Variants in IL12RB2 observed in about 807,000 individuals in gnomAD.
The protein encoded by IL12RB2 is interleukin-12 receptor subunit beta-2.
In IL12RB2, 82 loss-of-function variants were observed where a neutral mutation model predicts 89.4. That is an observed-to-expected ratio of 0.92 (90% CI 0.77 to 1.10). IL12RB2 has a LOEUF of 1.10. IL12RB2 is among the 50% of genes least tolerant of loss of function. The pLI is 0.00. For missense variants in IL12RB2, 963 were observed against 1,031.9 expected, an observed-to-expected ratio of 0.93 and a Z score of 0.92; for synonymous variants, 368 against 370.1, an observed-to-expected ratio of 0.99 and a Z score of 0.07.
chr1:67,314,801 C>A (rs1038044768), intron 2 of IL12RB2, among the ~76,000 whole-genome samples: 1 of 152,108 alleles, frequency 6.6e-6, no homozygotes, highest in Admixed American at 6.5e-5. Flanking sequence ...GTCTTCCTAC[C>A]GGTCGGTGTA....
chr1:67,326,820 C>T lies in IL12RB2; in HGVS notation c.450C>T (p.Asp150=), dbSNP rs934510662. The change falls in exon 5 of 17, where the codon GAC becomes GAT. Residue 150 remains aspartate, a synonymous_variant. Coordinates refer to ENST00000674203, the MANE Select transcript of IL12RB2 (RefSeq NM_001374259.2). ...TVACTWERGR[D]THLYTEYTLQ... is the part of the protein sequence containing the mutation. The stretch of plus-strand genomic sequence containing the variant: ...CCTGCACCTGGGAAAGAGGACGAGA[C>T]ACCCACTTATACACTGAGTATACTC... The T allele has an allele frequency of 5.0e-6, 8 of 1,613,826 alleles. No individual in the cohort carries two copies. Among genetic ancestry groups the T allele is most frequent in the Non-Finnish European group, 6.8e-6 (8 of 1,179,806 alleles).
intron 15 of IL12RB2, among the ~76,000 whole-genome samples, chr1:67,387,386 C>T (rs1353588895): frequency 6.6e-6 from 1 of 151,724 alleles, no homozygotes; most frequent in South Asian, 2.1e-4. Context: ...ATTATGTGTC[C>T]ATGAAAGATG....
intron 9 of IL12RB2, among the ~76,000 whole-genome samples, chr1:67,349,335 C>G (rs971636256): frequency 3.3e-5 from 5 of 152,244 alleles, no homozygotes; most frequent in Middle Eastern, 3.4e-3. Flanking sequence ...GTGGAGGTAA[C>G]AGTCCTATCT....
In IL12RB2 at chr1:67,321,672, T is replaced by C; in HGVS notation, c.147T>C (p.Ile49=). 1.2e-6 allele frequency: 2 copies of C among 1,603,912 alleles called. No homozygotes were observed. The highest frequency in any genetic ancestry group is 4.5e-5 in the East Asian group (2 of 44,824). ...HVILLGSTVN[I]TCSLKPRQGC... ...TTTTACTTGGATCCACTGTCAATAT[T>C]ACATGCTCTTTGAAGCCCAGACAAG... is the stretch of plus-strand genomic sequence containing the variant. The change falls in exon 4 of 17, where the codon ATT becomes ATC. Residue 49 remains isoleucine (I), a synonymous_variant. Transcript: ENST00000674203.
Position 67,321,590 on chromosome 1 carries a change from A to G in IL12RB2, c.77-12A>G. ...ATCACCAACTAAATATTGCATCTGT[A>G]TCTTATTGCAGATGCGTGCAAGAGA... On this transcript the variant is annotated splice_polypyrimidine_tract_variant and intron_variant, in intron 3 of 16. Coordinates refer to ENST00000674203, the MANE Select transcript of IL12RB2 (RefSeq NM_001374259.2). The G allele has an allele frequency of 6.4e-7, 1 of 1,565,410 alleles. No homozygotes were observed. Among genetic ancestry groups the G allele is most frequent in the Non-Finnish European group, 8.8e-7 (1 of 1,136,112 alleles).
At chr1:67,336,771 G>T (rs921081760) in intron 8 of IL12RB2, among the ~76,000 whole-genome samples, 4 of 152,182 alleles carry the variant, frequency 2.6e-5, no homozygotes, top group African/African-American at 9.6e-5. Flanking sequence ...CAAGGCTATG[G>T]GCTCTGGGAT....
chr1:67,309,127 A>G (rs1039235360), intron 1 of IL12RB2, among the ~76,000 whole-genome samples: 3 of 152,248 alleles, frequency 2.0e-5, no homozygotes, highest in Middle Eastern at 3.4e-3. Flanking sequence ...CCCCATTTTT[A>G]AAACTCTAGA....
chr1:67,330,007 G>A (rs950910748), intron 7 of IL12RB2, among the ~76,000 whole-genome samples: 7 of 151,834 alleles, frequency 4.6e-5, no homozygotes, highest in African/African-American at 1.7e-4. Flanking sequence ...TATTTACCCT[G>A]TCCTGTTATT....
intron 6 of IL12RB2, 97 bp downstream of exon 6, chr1:67,328,481 A>G: frequency 1.3e-6 from 2 of 1,591,102 alleles, no homozygotes; most frequent in Non-Finnish European, 1.7e-6. Context: ...ACAGAGATTG[A>G]TGGAAATTGG....
Position 67,321,596 on chromosome 1 carries a change from T to C in IL12RB2, c.77-6T>C, listed in dbSNP as rs1569748681. 4 of 1,567,532 alleles carry C rather than the reference T, an allele frequency of 2.6e-6. No individual in the cohort carries two copies. The highest frequency in any genetic ancestry group is 4.5e-5 in the East Asian group (2 of 44,682). ...AACTAAATATTGCATCTGTATCTTA[T>C]TGCAGATGCGTGCAAGAGAGGCGAT... On this transcript the variant is annotated splice_region_variant and splice_polypyrimidine_tract_variant and intron_variant, in intron 3 of 16. Coordinates refer to ENST00000674203, the MANE Select transcript of IL12RB2 (RefSeq NM_001374259.2).
intron 2 of IL12RB2, among the ~76,000 whole-genome samples, chr1:67,319,170 G>A (rs188496679): frequency 6.6e-6 from 1 of 152,334 alleles, no homozygotes; most frequent in East Asian, 1.9e-4. Flanking sequence ...TCTGGCATAT[G>A]TCTAGGTATG....
At chr1:67,390,615 T>C (rs1665709581) in intron 16 of IL12RB2, among the ~76,000 whole-genome samples, 1 of 152,020 alleles carries the variant, frequency 6.6e-6, no homozygotes, top group Non-Finnish European at 1.5e-5. Flanking sequence ...AGTACATCAT[T>C]CCATTGTGCA....
chr1:67,373,697 GT>G (rs751792224), intron 13 of IL12RB2, among the ~76,000 whole-genome samples: 6 of 152,176 alleles, frequency 3.9e-5, no homozygotes, highest in Non-Finnish European at 8.8e-5. Flanking sequence ...TTTATTCAGA[GT>G]TTTTGTTTTT....
chr1:67,311,482 ATTTTTC>A (rs1451462840), intron 1 of IL12RB2, among the ~76,000 whole-genome samples: 1 of 152,178 alleles, frequency 6.6e-6, no homozygotes. Flanking sequence ...CAACTTACAG[ATTTTTC>A]TATCTGTAGA....
At chr1:67,352,257 C>A (rs1660932808) in intron 10 of IL12RB2, among the ~76,000 whole-genome samples, 1 of 152,070 alleles carries the variant, frequency 6.6e-6, no homozygotes, top group African/African-American at 2.4e-5. Flanking sequence ...TTGTTCTTAC[C>A]AAAAGCCTGA....
At chr1:67,382,114 G>A (rs1371829642) in intron 14 of IL12RB2, among the ~76,000 whole-genome samples, 1 of 152,238 alleles carries the variant, frequency 6.6e-6, no homozygotes, top group African/African-American at 2.4e-5. Context: ...AAGTGCCGTG[G>A]CTCCCACCTA....
intron 15 of IL12RB2, 97 bp downstream of exon 15, chr1:67,386,766 A>G (rs1321332532): frequency 6.0e-6 from 5 of 838,390 alleles, no homozygotes; most frequent in South Asian, 4.0e-5. Flanking sequence ...ACTCTCACAC[A>G]TTCCTGGTGA....
At position 67,396,503 on chromosome 1, in the gene IL12RB2, G is replaced by A. The variant is rs534258395; in HGVS notation, c.*414G>A. On this transcript the variant is annotated 3_prime_UTR_variant, in exon 17 of 17. Coordinates refer to ENST00000674203, the MANE Select transcript of IL12RB2 (RefSeq NM_001374259.2). ...ACAGCAGGCTGTACACAGCAGATCA[G>A]TACTGTTCAACAGAACTTCCTGAGA... is the stretch of plus-strand genomic sequence containing the variant. The A allele has an allele frequency of 7.9e-4, 216 of 272,276 alleles. 3 individuals are homozygous for A. The highest frequency in any genetic ancestry group is 7.8e-3 in the South Asian group (171 of 21,948). 16.9% of individuals were successfully genotyped at this position (272,276 alleles called of 1,614,324 possible).
At chr1:67,327,581 T>C (rs1250639591) in intron 5 of IL12RB2, among the ~76,000 whole-genome samples, 1 of 152,184 alleles carries the variant, frequency 6.6e-6, no homozygotes, top group East Asian at 1.9e-4. Context: ...GATAAGTTTC[T>C]TTTTAAAGCA....
Sources: gnomAD v4.1 joint callset for allele counts (sites outside exome capture counted in the v4.1 genomes callset) on GRCh38, gnomAD v4.1.1 for gene constraint, MANE v1.5 for transcripts, NCBI Gene and HGNC (gene_info 2026-07-23, HGNC 2026-07-21) for gene names.